The following TMEM91 variants were observed in gnomAD, a reference collection of about 807,000 sequenced individuals.
TMEM91 encodes dispanin subfamily C member 3.
Under a neutral mutation model 13.3 loss-of-function variants are expected in TMEM91, and 6 were observed. That is an observed-to-expected ratio of 0.45 (90% CI 0.25 to 0.89). TMEM91 has a LOEUF of 0.89. Ranked by LOEUF, TMEM91 falls within the 40% of genes least tolerant of loss-of-function variation. The pLI is 0.19. For missense variants in TMEM91, 193 were observed against 228.7 expected (o/e 0.84, Z 1.01); for synonymous variants, 87 against 101.7 (o/e 0.86, Z 0.87).
intron 3 of TMEM91, 145 bp from the exon 4 acceptor site, chr19:41,383,570 T>A: frequency 6.2e-7 from 1 of 1,613,326 alleles, no homozygotes; most frequent in Non-Finnish European, 8.5e-7. Flanking sequence ...GCATCCCCAG[T>A]GCCTGACCTA....
At chr19:41,368,568 C>T (rs1186180829) in intron 1 of TMEM91, among the ~76,000 whole-genome samples, 1 of 151,930 alleles carries the variant, frequency 6.6e-6, no homozygotes, top group Non-Finnish European at 1.5e-5. Context: ...TGCCACCACA[C>T]CCGGGTAATT....
chr19:41,378,432 C>G lies in TMEM91; in HGVS notation c.123C>G (p.Ala41=). 6.2e-7 allele frequency: 1 copy of G among 1,614,144 alleles called. No homozygotes were observed. Among genetic ancestry groups the G allele is most frequent in the Non-Finnish European group, 8.5e-7 (1 of 1,180,032 alleles). The stretch of plus-strand genomic sequence containing the variant: ...CCCCCTTAAGAGAGATAGCCTTTGC[C>G]GAGTCCCTGAGGGGTTTGCAGTTCC... The part of the protein sequence containing the change: ...LGSPLREIAF[A]ESLRGLQFLS... The change falls in exon 2 of 4, where the codon GCC becomes GCG. Residue 41 remains alanine (A), a synonymous_variant. Transcript: ENST00000392002.
upstream of TMEM91, chr19:41,376,350 A>G (rs1449987139): frequency 5.9e-5 from 9 of 152,176 alleles, no homozygotes; most frequent in Non-Finnish European, 1.5e-5. Context: ...ACAATAAACG[A>G]TTATGCCTCT....
chr19:41,369,716 G>A (rs181738337), intron 1 of TMEM91, among the ~76,000 whole-genome samples: 6 of 151,832 alleles, frequency 4.0e-5, no homozygotes, highest in African/African-American at 9.7e-5. Context: ...GCTGAGGCAC[G>A]AGAATCACTT....
upstream of TMEM91, among the ~76,000 whole-genome samples, chr19:41,374,798 A>T (rs1238435120): frequency 6.6e-6 from 1 of 152,154 alleles, no homozygotes; most frequent in Non-Finnish European, 1.5e-5. Context: ...AGCCTGACTC[A>T]TATGGAGAAA....
upstream of TMEM91, among the ~76,000 whole-genome samples, chr19:41,375,768 C>T (rs938613749): frequency 7.9e-5 from 12 of 151,724 alleles, no homozygotes; most frequent in Non-Finnish European, 1.5e-4. Context: ...GCAATGATTG[C>T]GCCACTGCCT....
chr19:41,378,588 CT>C lies in TMEM91; in HGVS notation c.210+70del, dbSNP rs1359075421. 33 of 1,542,670 alleles carry C rather than the reference CT, an allele frequency of 2.1e-5. No individual in the cohort carries two copies. The Admixed American group carries it at 6.0e-4, about 28-fold the overall frequency. On this transcript the variant is annotated intron_variant, in intron 2 of 3. Coordinates refer to ENST00000392002, the MANE Select transcript of TMEM91 (RefSeq NM_001098821.2). ...GGGTGAGCCCCACTAAGGCCAGCAT[CT>C]GGCAGGTTGACAGCTGTGCCGATCT...
chr19:41,378,742 G>A (rs2038792749), intron 2 of TMEM91, among the ~76,000 whole-genome samples: 1 of 152,006 alleles, frequency 6.6e-6, no homozygotes, highest in East Asian at 1.9e-4. Context: ...TCTGATCTCA[G>A]ACTCCGCTGG....
chr19:41,367,562 C>T (rs1599918681), intron 1 of TMEM91, among the ~76,000 whole-genome samples: 1 of 152,106 alleles, frequency 6.6e-6, no homozygotes, highest in East Asian at 1.9e-4. Flanking sequence ...ACCTGGGAGG[C>T]GGAGGTTGCA....
At chr19:41,370,652 G>T (rs2038601125) in intron 1 of TMEM91, among the ~76,000 whole-genome samples, 1 of 151,724 alleles carries the variant, frequency 6.6e-6, no homozygotes, top group South Asian at 2.1e-4. Flanking sequence ...TGATCCACCC[G>T]CCTCGGCCTC....
chr19:41,381,082 A>G (rs1393192345), intron 2 of TMEM91, among the ~76,000 whole-genome samples: 3 of 142,248 alleles, frequency 2.1e-5, no homozygotes, highest in Non-Finnish European at 4.4e-5. Flanking sequence ...GTCTCAAAAA[A>G]AAAAAAAAAA....
chr19:41,372,433 C>T (rs1311929258), upstream of TMEM91, among the ~76,000 whole-genome samples: 3 of 152,090 alleles, frequency 2.0e-5, no homozygotes, highest in Non-Finnish European at 4.4e-5. Flanking sequence ...CCTCCTGCTT[C>T]AGCCTCTGGG....
upstream of TMEM91, among the ~76,000 whole-genome samples, chr19:41,372,872 C>T (rs1163654987): frequency 1.3e-5 from 2 of 152,230 alleles, no homozygotes; most frequent in African/African-American, 4.8e-5. Flanking sequence ...CAGATTTTCA[C>T]CCAATAACTT....
At chr19:41,383,563 T>C in intron 3 of TMEM91, 152 bp from the exon 4 acceptor site, 1 of 1,608,164 alleles carries the variant, frequency 6.2e-7, no homozygotes, top group Non-Finnish European at 8.5e-7. Flanking sequence ...CCACTCAGCA[T>C]CCCCAGTGCC....
At chr19:41,366,996 A>T (rs557680774) in intron 1 of TMEM91, among the ~76,000 whole-genome samples, 61 of 151,782 alleles carry the variant, frequency 4.0e-4, no homozygotes, top group African/African-American at 1.5e-3. Flanking sequence ...CCAAAACTAG[A>T]TGGGTGTGGT....
Position 41,376,560 on chromosome 19 carries a change from G to C in TMEM91, c.-324G>C. 6.6e-6 allele frequency: 1 copy of C among 152,260 alleles called. No individual in the cohort carries two copies. Among genetic ancestry groups the C allele is most frequent in the Middle Eastern group, 3.2e-3 (1 of 316 alleles). The allele number at this position is 152,260 out of a possible 1,614,324, so 9.4% of individuals were successfully genotyped here. On this transcript the variant is annotated 5_prime_UTR_variant, in exon 1 of 4. Transcript: ENST00000392002. Reference sequence around the variant, plus strand: ...AGCTTGGGCCTGGGCTCACGAGGAAGGGGCTGCAGTTCTCCAAGGATTCCC... The same window carrying C: ...AGCTTGGGCCTGGGCTCACGAGGAACGGGCTGCAGTTCTCCAAGGATTCCC...
At position 41,383,994 on chromosome 19, in the gene TMEM91, C is replaced by T. The variant is rs190642680; in HGVS notation, c.*121C>T. On this transcript the variant is annotated 3_prime_UTR_variant, in exon 4 of 4. Transcript: ENST00000392002. ...CGGCAGGAGCATCTAGAAACGGGAG[C>T]GAGCTGGACTGGAACCCTTCCCCTT... The T allele has an allele frequency of 7.4e-5, 108 of 1,467,578 alleles. No homozygotes were observed. In the East Asian group the frequency reaches 1.9e-3, roughly 26 times the overall value. 90.9% of individuals were successfully genotyped at this position (1,467,578 alleles called of 1,614,324 possible).
chr19:41,367,497 G>A (rs1038681500), intron 1 of TMEM91, among the ~76,000 whole-genome samples: 2 of 152,056 alleles, frequency 1.3e-5, no homozygotes, highest in African/African-American at 2.4e-5. Flanking sequence ...TGGGCATGGC[G>A]GCGGGCGCCT....
At chr19:41,371,479 G>A (rs1224086056) in intron 1 of TMEM91, among the ~76,000 whole-genome samples, 1 of 149,886 alleles carries the variant, frequency 6.7e-6, no homozygotes, top group African/African-American at 2.5e-5. Flanking sequence ...GAGTGCAGTG[G>A]CACAATCTTG....
Sources: gnomAD v4.1 joint callset for allele counts (sites outside exome capture counted in the v4.1 genomes callset) on GRCh38, gnomAD v4.1.1 for gene constraint, MANE v1.5 for transcripts, NCBI Gene and HGNC (gene_info 2026-07-23, HGNC 2026-07-21) for gene names.